KLHL18: variants seen among roughly 807,000 people sequenced by gnomAD.
KLHL18 encodes kelch like family member 18.
KLHL18 carries 38 observed loss-of-function variants against 58.5 expected under a neutral mutation model. The observed-to-expected ratio is 0.65, with a 90% CI of 0.50 to 0.85. The LOEUF (loss-of-function observed/expected upper bound fraction) is 0.85, where lower values mean the gene tolerates loss of function less well. Ranked by LOEUF, KLHL18 falls within the 40% of genes least tolerant of loss-of-function variation. The pLI is 0.00. For synonymous variants in KLHL18, 303 were observed against 301.9 expected (o/e 1.00, Z -0.04); for missense variants, 624 against 778.4 (o/e 0.80, Z 2.36).
At chr3:47,299,292 T>A (rs1702961576) in intron 1 of KLHL18, among the ~76,000 whole-genome samples, 1 of 152,180 alleles carries the variant, frequency 6.6e-6, no homozygotes, top group South Asian at 2.1e-4. Context: ...AGTACAGTGG[T>A]ATGTGCCTGT....
rs753517193 is a variant in KLHL18 at position 47,322,634 on chromosome 3, GT to G, written c.328del (p.Ser110HisfsTer3). 1 of 1,604,830 alleles carries G rather than the reference GT, an allele frequency of 6.2e-7. No individual in the cohort carries two copies. Among genetic ancestry groups the G allele is most frequent in the Non-Finnish European group, 8.5e-7 (1 of 1,176,092 alleles). On this transcript the variant is annotated frameshift_variant, in exon 3 of 10. Coordinates refer to ENST00000232766, the MANE Select transcript of KLHL18 (RefSeq NM_025010.5). LOFTEE classifies it high-confidence loss of function. ...TTGCCATTGACCAGCAAAATGTCCA[GT>G]CATTGCTGATGGGGGCGAGCTTCCT... ...NLAIDQQNVQ[S>X]LLMGASFLQL... is the part of the protein sequence containing the mutation.
intron 1 of KLHL18, among the ~76,000 whole-genome samples, chr3:47,291,770 G>C (rs939893934): frequency 1.7e-4 from 26 of 152,172 alleles, no homozygotes; most frequent in Non-Finnish European, 1.0e-4. Flanking sequence ...AGCATTTCTT[G>C]TTAAAGAATA....
Position 47,343,728 on chromosome 3 carries a change from G to T in KLHL18, c.1512G>T (p.Trp504Cys). 1.2e-6 allele frequency: 2 copies of T among 1,614,208 alleles called. No homozygotes were observed. Among genetic ancestry groups the T allele is most frequent in the Non-Finnish European group, 1.7e-6 (2 of 1,180,054 alleles). Residue 504 changes from tryptophan (W) to cysteine (C), a missense_variant, in exon 10 of 10, where the codon TGG becomes TGT. Trp to Cys is a radical substitution (Grantham distance 215, BLOSUM62 -2). Coordinates refer to ENST00000232766, the MANE Select transcript of KLHL18 (RefSeq NM_025010.5). ...AEMYSSVADQ[W>C]CLIVPMHTRR... ...TGTACAGCTCTGTGGCAGACCAGTG[G>T]TGCCTGATTGTCCCCATGCACACGC... is the stretch of plus-strand genomic sequence containing the variant.
chr3:47,321,355 T>TG (rs936440343), intron 2 of KLHL18, among the ~76,000 whole-genome samples: 96 of 149,992 alleles, frequency 6.4e-4, no homozygotes, highest in Admixed American at 2.4e-3. Flanking sequence ...TGTTTTGTTT[T>TG]TTTTTTTTTG....
intron 6 of KLHL18, among the ~76,000 whole-genome samples, chr3:47,336,052 C>T (rs1038895462): frequency 1.3e-5 from 2 of 152,150 alleles, no homozygotes; most frequent in African/African-American, 2.4e-5. Context: ...ATTTATTGAG[C>T]GCAAAGTTTA....
chr3:47,301,785 G>T (rs947355391), intron 1 of KLHL18, among the ~76,000 whole-genome samples: 1 of 152,156 alleles, frequency 6.6e-6, no homozygotes, highest in East Asian at 1.9e-4. Context: ...AATTAACTTT[G>T]TTTTGTTTTG....
chr3:47,298,353 TAAAAAAAAAA>T (rs36006254), intron 1 of KLHL18, among the ~76,000 whole-genome samples: 1 of 118,520 alleles, frequency 8.4e-6, no homozygotes, highest in Non-Finnish European at 1.7e-5. Flanking sequence ...ATCCTGTCTC[TAAAAAAAAAA>T]AAAAAAAAAG....
At chr3:47,323,892 T>A (rs1703645758) in intron 3 of KLHL18, among the ~76,000 whole-genome samples, 1 of 152,162 alleles carries the variant, frequency 6.6e-6, no homozygotes, top group Non-Finnish European at 1.5e-5. Flanking sequence ...GTTAGCAGCT[T>A]ATGGACCACA....
chr3:47,315,557 C>T (rs114839966), intron 1 of KLHL18, among the ~76,000 whole-genome samples: 1,752 of 152,290 alleles, frequency 0.012, 13 homozygotes, highest in Middle Eastern at 0.041. Context: ...ACTGGAAGAT[C>T]GTGCTCTGAT....
chr3:47,336,711 G>A lies in KLHL18; in HGVS notation c.1075G>A (p.Glu359Lys). The A allele has an allele frequency of 6.2e-7, 1 of 1,614,252 alleles. No individual in the cohort carries two copies. Among genetic ancestry groups the A allele is most frequent in the Non-Finnish European group, 8.5e-7 (1 of 1,180,050 alleles). Residue 359 changes from glutamate (E) to lysine (K), a missense_variant, in exon 7 of 10, where the codon GAG (glutamate) becomes AAG (lysine). Coordinates refer to ENST00000232766, the MANE Select transcript of KLHL18 (RefSeq NM_025010.5). ...RLSTVEAYNP[E>K]TDTWTRVGSM... ...GAGCACTGTGGAGGCCTACAACCCG[G>A]AGACAGACACATGGACCAGAGTGGG...
At chr3:47,316,789 A>G (rs140395303) in intron 1 of KLHL18, among the ~76,000 whole-genome samples, 4,097 of 64,138 alleles carry the variant, frequency 0.064, 367 homozygotes, top group Middle Eastern at 0.12. Flanking sequence ...ATACATATAT[A>G]TGTGTGTATA....
At position 47,300,287 on chromosome 3, in the gene KLHL18, TTA is replaced by T. The variant is rs1207306389; in HGVS notation, c.129+17215_129+17216del. On this transcript the variant is annotated intron_variant, in intron 1 of 9. Transcript: ENST00000232766. ...ATTCTTTTGCATCCTCACCGGCATT[TTA>T]TATATATATATATATATATATGTGT... 2.5e-3 allele frequency among the ~76,000 whole-genome samples: 330 copies of T among 133,122 alleles called. 4 individuals carry two copies. The highest frequency in any genetic ancestry group is 8.2e-3 in the African/African-American group (305 of 37,090). The allele number at this position is 133,122 out of a possible 152,430, so 87.3% of individuals were successfully genotyped here.
chr3:47,291,891 C>G (rs1445509605), intron 1 of KLHL18, among the ~76,000 whole-genome samples: 3 of 152,210 alleles, frequency 2.0e-5, no homozygotes, highest in Non-Finnish European at 4.4e-5. Flanking sequence ...AATTTAGCAT[C>G]TCATTTGTAA....
intron 7 of KLHL18, among the ~76,000 whole-genome samples, chr3:47,339,490 CAA>C (rs535713738): frequency 2.3e-4 from 16 of 69,176 alleles, no homozygotes; most frequent in Admixed American, 3.3e-4. Flanking sequence ...GACCTCATCT[CAA>C]AAAAAAAAAA....
intron 1 of KLHL18, among the ~76,000 whole-genome samples, chr3:47,288,209 G>A (rs1160901398): frequency 1.7e-5 from 2 of 117,256 alleles, no homozygotes; most frequent in Non-Finnish European, 3.2e-5. Context: ...GACAGAGTGA[G>A]ACTCTGTCTC....
chr3:47,297,633 G>T (rs1376975627), intron 1 of KLHL18: 1 of 456,628 alleles, frequency 2.2e-6, no homozygotes, highest in Non-Finnish European at 4.4e-6. Flanking sequence ...GACCAGCTCT[G>T]CCAGTCCTGA....
At chr3:47,289,669 A>T (rs1267042466) in intron 1 of KLHL18, among the ~76,000 whole-genome samples, 1 of 152,218 alleles carries the variant, frequency 6.6e-6, no homozygotes, top group Non-Finnish European at 1.5e-5. Flanking sequence ...CTGTAATCTC[A>T]GCACTTTGGG....
At chr3:47,333,087 G>T in intron 4 of KLHL18, 70 bp from the exon 5 acceptor site, 1 of 1,517,448 alleles carries the variant, frequency 6.6e-7, no homozygotes, top group South Asian at 1.2e-5. Flanking sequence ...TGGAGGCATT[G>T]AGATTGGAGG....
intron 1 of KLHL18, among the ~76,000 whole-genome samples, chr3:47,285,935 G>A (rs1702665108): frequency 6.6e-6 from 1 of 152,020 alleles, no homozygotes; most frequent in African/African-American, 2.4e-5. Flanking sequence ...AGCTGCTCAG[G>A]AGGCTGAGGT....
Sources: allele counts gnomAD v4.1 joint callset (sites outside exome capture counted in the v4.1 genomes callset), GRCh38; gene constraint gnomAD v4.1.1; transcripts MANE v1.5; gene names NCBI Gene and HGNC (gene_info 2026-07-23, HGNC 2026-07-21).